The following ARHGEF1 variants were observed in gnomAD, a reference collection of about 807,000 sequenced individuals.
The protein encoded by ARHGEF1 is 115 kDa guanine nucleotide exchange factor.
ARHGEF1 carries 40 observed loss-of-function variants against 119.7 expected under a neutral mutation model. The observed-to-expected ratio is 0.33, with a 90% CI of 0.26 to 0.44. The LOEUF (loss-of-function observed/expected upper bound fraction) is 0.44. Ranked by LOEUF, ARHGEF1 falls within the 20% of genes least tolerant of loss-of-function variation. The pLI is 1.00. For synonymous variants in ARHGEF1, 494 were observed against 521.0 expected, an observed-to-expected ratio of 0.95 and a Z score of 0.71; for missense variants, 976 against 1,268.3, an observed-to-expected ratio of 0.77 and a Z score of 3.50.
At chr19:41,912,506 C>G (rs782130536) in intron 18 of ARHGEF1, among the ~76,000 whole-genome samples, 1 of 152,242 alleles carries the variant, frequency 6.6e-6, no homozygotes, top group African/African-American at 2.4e-5. Flanking sequence ...CCCTCCAGCC[C>G]AGTCCCTGCT....
intron 2 of ARHGEF1, among the ~76,000 whole-genome samples, chr19:41,929,143 A>C (rs1320914454): frequency 6.6e-6 from 1 of 152,080 alleles, no homozygotes; most frequent in Admixed American, 6.5e-5. Context: ...ACATTCAGGC[A>C]CACACAGAGA....
At chr19:41,923,979 G>C (rs189577520) in intron 1 of ARHGEF1, among the ~76,000 whole-genome samples, 1,169 of 102,240 alleles carry the variant, frequency 0.011, 55 homozygotes, top group African/African-American at 0.047. Context: ...GTAGGGGTGC[G>C]CTGGGAGGGG....
At chr19:41,915,229 A>ACGAGGAGC (rs1291586604) in intron 18 of ARHGEF1, among the ~76,000 whole-genome samples, 7 of 143,526 alleles carry the variant, frequency 4.9e-5, no homozygotes, top group Admixed American at 3.5e-4. Flanking sequence ...ACACGTTATA[A>ACGAGGAGC]CGAGGAGCCG....
downstream of ARHGEF1, chr19:41,908,321 G>A (rs1599669850): frequency 9.7e-6 from 12 of 1,231,478 alleles, 1 homozygote; most frequent in South Asian, 3.3e-4. This position sits in a 1 kb window ranked among gnomAD's most constrained non-coding sequence, Gnocchi z 6.7. Flanking sequence ...CGCTGACGTC[G>A]GTGATCTCCA....
chr19:41,903,479 T>G lies in ARHGEF1; in HGVS notation c.1839+72T>G. The G allele has an allele frequency of 1.4e-6, 2 of 1,444,468 alleles. No individual in the cohort carries two copies. Among genetic ancestry groups the G allele is most frequent in the Non-Finnish European group, 1.9e-6 (2 of 1,038,062 alleles). 89.5% of individuals were successfully genotyped at this position (1,444,468 alleles called of 1,614,324 possible). On this transcript the variant is annotated intron_variant, in intron 19 of 28. Coordinates refer to ENST00000354532, the MANE Select transcript of ARHGEF1 (RefSeq NM_004706.4). This position sits in a 1 kb window ranked among gnomAD's most constrained non-coding sequence, Gnocchi z 4.2. ...GCAGGGGGTGGACCCTACCTCAGCC[T>G]GTCCAGAAGTCACACCCCACCCCTT...
chr19:41,896,732 CACTAA>C, intron 13 of ARHGEF1: 1 of 663,848 alleles, frequency 1.5e-6, no homozygotes, highest in Non-Finnish European at 2.8e-6. Context: ...TTCCTTTTTT[CACTAA>C]TCCTTCTCCT....
chr19:41,905,450 ATG>A lies in ARHGEF1; in HGVS notation c.2336+194_2336+195del, dbSNP rs1491359384. 6 of 625,772 alleles carry A rather than the reference ATG, an allele frequency of 9.6e-6. No homozygotes were observed. Among genetic ancestry groups the A allele is most frequent in the East Asian group, 2.7e-5 (1 of 36,492 alleles). 38.8% of individuals were successfully genotyped at this position (625,772 alleles called of 1,614,324 possible). A position where few individuals can be genotyped will look rare whatever the true frequency, so the allele number is the denominator to read the frequency against. On this transcript the variant is annotated intron_variant, in intron 24 of 28. Coordinates refer to ENST00000354532, the MANE Select transcript of ARHGEF1 (RefSeq NM_004706.4). This position sits in a 1 kb window ranked among gnomAD's most constrained non-coding sequence, Gnocchi z 6.4. ...GCATATATAGTGTGTGTATGCATGC[ATG>A]TGTGCGTGTGCATGTGTGTGCGTGT...
At chr19:41,928,535 G>C (rs1327762050) in intron 1 of ARHGEF1, 1 of 162,470 alleles carries the variant, frequency 6.2e-6, no homozygotes, top group African/African-American at 2.4e-5. Context: ...TCCTCTGCGC[G>C]CCGCGCGCCT....
downstream of ARHGEF1, among the ~76,000 whole-genome samples, chr19:41,911,684 C>G (rs1555851266): frequency 6.6e-6 from 1 of 152,106 alleles, no homozygotes; most frequent in Non-Finnish European, 1.5e-5. Context: ...AGCTCTGACC[C>G]ATTCCACACC....
Position 41,892,586 on chromosome 19 carries a change from C to T in ARHGEF1, c.368-17C>T, listed in dbSNP as rs1555846443. 1 of 1,572,020 alleles carries T rather than the reference C, an allele frequency of 6.4e-7. No homozygotes were observed. The highest frequency in any genetic ancestry group is 8.7e-7 in the Non-Finnish European group (1 of 1,153,670). On this transcript the variant is annotated splice_polypyrimidine_tract_variant and intron_variant, in intron 6 of 28. Coordinates refer to ENST00000354532, the MANE Select transcript of ARHGEF1 (RefSeq NM_004706.4). This position sits in a 1 kb window ranked among gnomAD's most constrained non-coding sequence, Gnocchi z 6.3. ...CACCAGGGAGCTGGACCCTAGCCCC[C>T]ATGTGTGTCCCTGCAGACCGCACTA...
chr19:41,913,302 C>T (rs1364724026), intron 18 of ARHGEF1, among the ~76,000 whole-genome samples: 1 of 147,802 alleles, frequency 6.8e-6, no homozygotes, highest in African/African-American at 2.5e-5. Context: ...CGCACCGTCT[C>T]TGCTGCCGTC....
intron 11 of ARHGEF1, 66 bp from the exon 12 acceptor site, chr19:41,895,283 C>T (rs2074464099): frequency 6.5e-7 from 1 of 1,541,358 alleles, no homozygotes; most frequent in African/African-American, 1.4e-5. Context: ...TCTTGCATCC[C>T]CTGGCGGTTG....
At chr19:41,929,470 G>A (rs2074892355) in intron 2 of ARHGEF1, among the ~76,000 whole-genome samples, 1 of 152,144 alleles carries the variant, frequency 6.6e-6, no homozygotes, top group Non-Finnish European at 1.5e-5. Flanking sequence ...CCTCAGGGCG[G>A]GTCAGACCCA....
intron 12 of ARHGEF1, among the ~76,000 whole-genome samples, chr19:41,895,691 C>T (rs1240270415): frequency 6.6e-6 from 1 of 152,172 alleles, no homozygotes; most frequent in African/African-American, 2.4e-5. Context: ...AGCTTTGCTC[C>T]CAGGCTCTGA....
At chr19:41,897,178 C>A (rs1555847976) in intron 13 of ARHGEF1, 3 of 840,240 alleles carry the variant, frequency 3.6e-6, no homozygotes, top group African/African-American at 3.8e-5. Flanking sequence ...GGGGCCCTGT[C>A]CCCCTTACAG....
chr19:41,911,535 C>T (rs2074751347), downstream of ARHGEF1, among the ~76,000 whole-genome samples: 1 of 152,216 alleles, frequency 6.6e-6, no homozygotes, highest in Non-Finnish European at 1.5e-5. Context: ...CCCAGGCTGC[C>T]TGGTGTAGAA....
In ARHGEF1 at chr19:41,903,638, C is replaced by A; in HGVS notation, c.1840-69C>A. The A allele has an allele frequency of 2.0e-6, 3 of 1,527,936 alleles. No individual in the cohort carries two copies. The highest frequency in any genetic ancestry group is 2.7e-6 in the Non-Finnish European group (3 of 1,111,676). 94.6% of individuals were successfully genotyped at this position (1,527,936 alleles called of 1,614,324 possible). A position where few individuals can be genotyped will look rare whatever the true frequency, so the allele number is the denominator to read the frequency against. On this transcript the variant is annotated intron_variant, in intron 19 of 28. Transcript: ENST00000354532. This position sits in a 1 kb window ranked among gnomAD's most constrained non-coding sequence, Gnocchi z 4.2. ...AAGTTGGTCTTGGCTCTCATCTTAC[C>A]AATGTGGGTCACTGCAGGTCAGCCC...
At position 41,892,968 on chromosome 19, in the gene ARHGEF1, T is replaced by C; in HGVS notation, c.614+119T>C. 7.3e-7 allele frequency: 1 copy of C among 1,373,064 alleles called. No individual in the cohort carries two copies. Among genetic ancestry groups the C allele is most frequent in the Non-Finnish European group, 9.6e-7 (1 of 1,045,916 alleles). The allele number at this position is 1,373,064 out of a possible 1,614,324, so 85.1% of individuals were successfully genotyped here. A position where few individuals can be genotyped will look rare whatever the true frequency, so the allele number is the denominator to read the frequency against. On this transcript the variant is annotated intron_variant, in intron 7 of 28. Transcript: ENST00000354532. This position sits in a 1 kb window ranked among gnomAD's most constrained non-coding sequence, Gnocchi z 6.3. Reference sequence around the variant, plus strand: ...CTCTTCAGGGTCAGAGTTCATTTCTTGGCACTGGGGGTCTTCCTCTACCCT... The same window carrying C: ...CTCTTCAGGGTCAGAGTTCATTTCTCGGCACTGGGGGTCTTCCTCTACCCT...
At chr19:41,908,868 C>G (rs1555850978), downstream of ARHGEF1, among the ~76,000 whole-genome samples, 1 of 151,760 alleles carries the variant, frequency 6.6e-6, no homozygotes, top group Non-Finnish European at 1.5e-5. This position sits in a 1 kb window ranked among gnomAD's most constrained non-coding sequence, Gnocchi z 6.7. Context: ...TTAGGCACCC[C>G]TGAAAGCCCC....
Sources: allele counts gnomAD v4.1 joint callset (sites outside exome capture counted in the v4.1 genomes callset), GRCh38; gene constraint gnomAD v4.1.1; non-coding constraint Gnocchi (gnomAD v3.1); transcripts MANE v1.5; gene names NCBI Gene and HGNC (gene_info 2026-07-23, HGNC 2026-07-21).